Variants in MAP3K1 observed in about 807,000 individuals in gnomAD.
The protein encoded by MAP3K1 is MAP/ERK kinase kinase 1.
MAP3K1 carries 36 observed loss-of-function variants against 144.2 expected under a neutral mutation model. The ratio of observed to expected loss-of-function variants is 0.25; its 90% CI spans 0.19 to 0.33. The LOEUF (loss-of-function observed/expected upper bound fraction) is 0.33, where lower values mean the gene tolerates loss of function less well. Ranked by LOEUF, MAP3K1 falls within the 10% of genes least tolerant of loss-of-function variation. The pLI is 1.00. For missense variants in MAP3K1, 1,650 were observed against 1,881.9 expected (o/e 0.88, Z 2.28); for synonymous variants, 718 against 688.7 (o/e 1.04, Z -0.67).
At chr5:56,816,116 A>AACCCCGGGCACCATGCACGGC in intron 1 of MAP3K1, 61 bp downstream of exon 1, 1 of 1,183,616 alleles carries the variant, frequency 8.4e-7, no homozygotes, top group Non-Finnish European at 1.0e-6. Context: ...GCAATGAATG[A>AACCCCGGGCACCATGCACGGC]ACCCCGGGCA....
At chr5:56,820,471 T>C in intron 1 of MAP3K1, 2 of 984,562 alleles carry the variant, frequency 2.0e-6, no homozygotes, top group Non-Finnish European at 2.4e-6. Context: ...TGCCTGTTAA[T>C]GTATATAATA....
intron 6 of MAP3K1, 43 bp from the exon 7 acceptor site, chr5:56,871,867 A>G: frequency 1.3e-6 from 2 of 1,596,036 alleles, no homozygotes; most frequent in Non-Finnish European, 1.7e-6. Context: ...GTTCTACTTT[A>G]TATTCTTTTA....
At chr5:56,821,847 C>A (rs1228616387) in intron 1 of MAP3K1, among the ~76,000 whole-genome samples, 1 of 152,142 alleles carries the variant, frequency 6.6e-6, no homozygotes, top group Non-Finnish European at 1.5e-5. Context: ...GTGTCTGGCA[C>A]CCATGAATAT....
In MAP3K1 at chr5:56,826,292, C is replaced by G. The variant is rs192375666; in HGVS notation, c.482+10237C>G. 9.8e-5 allele frequency among the ~76,000 whole-genome samples: 15 copies of G among 152,296 alleles called. No individual in the cohort carries two copies. In the East Asian group the frequency reaches 2.7e-3, roughly 27 times the overall value. On this transcript the variant is annotated intron_variant, in intron 1 of 19. Transcript: ENST00000399503. Reference sequence around the variant, plus strand: ...GTGCTGTACTGTGAATTCTGCCGAGCTCTGGTTTAACAAGTTCCTCGATAT... The same window carrying G: ...GTGCTGTACTGTGAATTCTGCCGAGGTCTGGTTTAACAAGTTCCTCGATAT...
chr5:56,845,641 TG>T (rs1388096720), intron 1 of MAP3K1, among the ~76,000 whole-genome samples: 12 of 152,196 alleles, frequency 7.9e-5, no homozygotes, highest in African/African-American at 2.9e-4. Context: ...AAAACTGTTT[TG>T]TTTTGTTTTT....
Position 56,864,721 on chromosome 5 carries a change from A to C in MAP3K1, c.835-13A>C, listed in dbSNP as rs774570525. The C allele has an allele frequency of 5.0e-6, 8 of 1,613,838 alleles. No homozygotes were observed. The East Asian group carries it at 1.8e-4, about 36-fold the overall frequency. ...AATGAGAAACGTACCTAATAAAAAA[A>C]AATGTTGTGAAGTTTCAGAGTGGCA... On this transcript the variant is annotated splice_polypyrimidine_tract_variant and intron_variant, in intron 3 of 19. Transcript: ENST00000399503.
At position 56,875,927 on chromosome 5, in the gene MAP3K1, T is replaced by C. The variant is rs115131984; in HGVS notation, c.1965+617T>C. ...AGGAAGATATGTTTTTAATAAACAT[T>C]TTGATTGATTTTTAATAAACATTGT... On this transcript the variant is annotated intron_variant, in intron 10 of 19. Transcript: ENST00000399503. 4.1e-3 allele frequency among the ~76,000 whole-genome samples: 618 copies of C among 152,234 alleles called. 4 individuals are homozygous for C. The highest frequency in any genetic ancestry group is 5.5e-3 in the Non-Finnish European group (377 of 68,006).
intron 2 of MAP3K1, 39 bp from the exon 3 acceptor site, chr5:56,859,676 A>G (rs1419381183): frequency 3.4e-6 from 5 of 1,462,854 alleles, no homozygotes; most frequent in Non-Finnish European, 9.5e-7. Context: ...TACCTTTTAT[A>G]TTTTTAAGTA....
At chr5:56,861,498 G>T (rs984356094) in intron 3 of MAP3K1, among the ~76,000 whole-genome samples, 25 of 149,076 alleles carry the variant, frequency 1.7e-4, no homozygotes, top group Middle Eastern at 3.4e-3. Context: ...GCTTGAACCC[G>T]GGAGGCAGAG....
rs192017957 is a variant in MAP3K1 at position 56,838,846 on chromosome 5, A to G, written c.483-17754A>G. On this transcript the variant is annotated intron_variant, in intron 1 of 19. Transcript: ENST00000399503. ...CATAAACATGATTCAGCACTTGGCA[A>G]GTCTCAAAACCTTACCATCATGTTA... Among the ~76,000 whole-genome samples, 325 of 152,362 alleles carry G rather than the reference A, an allele frequency of 2.1e-3. 1 individual carries two copies. Among genetic ancestry groups the G allele is most frequent in the Non-Finnish European group, 3.1e-3 (214 of 68,032 alleles).
chr5:56,889,173 T>C (rs1748472028), intron 19 of MAP3K1, among the ~76,000 whole-genome samples: 1 of 152,228 alleles, frequency 6.6e-6, no homozygotes, highest in Admixed American at 6.5e-5. Flanking sequence ...CGTTTGTTTT[T>C]TGTTTTTGTT....
At chr5:56,822,587 A>G (rs1197434030) in intron 1 of MAP3K1, among the ~76,000 whole-genome samples, 1 of 152,160 alleles carries the variant, frequency 6.6e-6, no homozygotes, top group African/African-American at 2.4e-5. Flanking sequence ...TCTCTTGAAC[A>G]TTGATACTGG....
chr5:56,882,796 A>T lies in MAP3K1; in HGVS notation c.3596A>T (p.Gln1199Leu). ...LAIAMAMSAS[Q>L]DALPIVPQLQ... ...ATTGCCATGGCAATGTCAGCGTCTCAGGATGCCCTCCCCATAGTTCCTCAG... is the reference window on the plus strand; with the variant it reads ...ATTGCCATGGCAATGTCAGCGTCTCTGGATGCCCTCCCCATAGTTCCTCAG... Residue 1199 changes from glutamine to leucine, a missense_variant, in exon 14 of 20, where the codon CAG becomes CTG. Around this residue, in one of 6 missense-constraint regions of MAP3K1, gnomAD observed 841 missense variants for 886.5 expected, o/e 0.95. Transcript: ENST00000399503. 6.2e-7 allele frequency: 1 copy of T among 1,611,954 alleles called. No individual in the cohort carries two copies. Among genetic ancestry groups the T allele is most frequent in the South Asian group, 1.1e-5 (1 of 90,730 alleles).
chr5:56,853,728 TAGAC>T (rs751329424), intron 1 of MAP3K1, among the ~76,000 whole-genome samples: 7 of 152,050 alleles, frequency 4.6e-5, no homozygotes, highest in Non-Finnish European at 7.4e-5. Context: ...AGGTAAAAAG[TAGAC>T]AGAGAAGGAA....
intron 1 of MAP3K1, among the ~76,000 whole-genome samples, chr5:56,854,121 A>T (rs1394707781): frequency 6.6e-6 from 1 of 152,178 alleles, no homozygotes; most frequent in African/African-American, 2.4e-5. Flanking sequence ...TTTTTAACCC[A>T]GCATTTCCAT....
chr5:56,818,859 C>T (rs2111739593), intron 1 of MAP3K1, among the ~76,000 whole-genome samples: 1 of 152,282 alleles, frequency 6.6e-6, no homozygotes, highest in African/African-American at 2.4e-5. Context: ...ATTTCACAGG[C>T]TGCTTTTATA....
chr5:56,846,519 G>T (rs1747002371), intron 1 of MAP3K1, among the ~76,000 whole-genome samples: 4 of 152,170 alleles, frequency 2.6e-5, no homozygotes, highest in Admixed American at 2.6e-4. Flanking sequence ...TAGTCTTCTA[G>T]AGTTTTCATT....
intron 19 of MAP3K1, among the ~76,000 whole-genome samples, chr5:56,888,824 T>C (rs1007545502): frequency 1.3e-5 from 2 of 152,164 alleles, no homozygotes; most frequent in African/African-American, 2.4e-5. Context: ...TAAAAAAATA[T>C]CATCAACTTA....
At chr5:56,877,590 C>T (rs1270983538) in intron 10 of MAP3K1, among the ~76,000 whole-genome samples, 1 of 148,376 alleles carries the variant, frequency 6.7e-6, no homozygotes, top group African/African-American at 2.5e-5. Context: ...ATATGTGTCT[C>T]TTAAAACCAA....
Sources: allele counts gnomAD v4.1 joint callset (sites outside exome capture counted in the v4.1 genomes callset), GRCh38; gene constraint gnomAD v4.1.1; regional missense constraint gnomAD v4.1.1; transcripts MANE v1.5; gene names NCBI Gene and HGNC (gene_info 2026-07-23, HGNC 2026-07-21).